Variants in CTNNA3 observed in about 807,000 individuals in gnomAD.
The protein encoded by CTNNA3 is catenin alpha-3.
In CTNNA3, 76 loss-of-function variants were observed where a neutral mutation model predicts 95.7. That is an observed-to-expected ratio of 0.79 (90% CI 0.66 to 0.96). The LOEUF (loss-of-function observed/expected upper bound fraction) is 0.96, where lower values mean the gene tolerates loss of function less well. Ranked by LOEUF, CTNNA3 falls within the 40% of genes least tolerant of loss-of-function variation. The pLI is 0.00. For synonymous variants in CTNNA3, 431 were observed against 374.4 expected, an observed-to-expected ratio of 1.15 and a Z score of -1.74; for missense variants, 1,191 against 1,089.8, an observed-to-expected ratio of 1.09 and a Z score of -1.31.
At chr10:67,716,855 T>G (rs1841146607) in intron 1 of CTNNA3, among the ~76,000 whole-genome samples, 1 of 152,206 alleles carries the variant, frequency 6.6e-6, no homozygotes, top group South Asian at 2.1e-4. Flanking sequence ...GATTGCTGGG[T>G]CAAATGGTAT....
intron 7 of CTNNA3, among the ~76,000 whole-genome samples, chr10:67,085,864 A>G (rs1022870319): frequency 5.3e-5 from 8 of 152,034 alleles, no homozygotes; most frequent in African/African-American, 1.9e-4. Context: ...GTTAATATCA[A>G]TGAAATAACA....
intron 5 of CTNNA3, among the ~76,000 whole-genome samples, chr10:67,321,332 C>G (rs897186398): frequency 6.6e-6 from 1 of 152,118 alleles, no homozygotes; most frequent in African/African-American, 2.4e-5. Context: ...ACACTGAATT[C>G]TATGTATCTC....
At position 67,219,654 on chromosome 10, in the gene CTNNA3, G is replaced by A. The variant is rs199985402; in HGVS notation, c.796C>T (p.Pro266Ser). The A allele has an allele frequency of 3.0e-5, 48 of 1,613,962 alleles. No individual in the cohort carries two copies. Among genetic ancestry groups the A allele is most frequent in the African/African-American group, 4.0e-5 (3 of 74,900 alleles). The stretch of plus-strand genomic sequence containing the variant: ...CCCAGGGTTGCTGCCTGAGGTTCTG[G>A]TGGGGTTGTCATATTCTGGATCCCT... ...SQGIQNMTTP[P>S]EPQAATLGSA... Residue 266 changes from proline to serine, a missense_variant, in exon 6 of 18, where the codon CCA becomes TCA. Coordinates refer to ENST00000433211, the MANE Select transcript of CTNNA3 (RefSeq NM_013266.4).
At chr10:66,040,930 A>G (rs1426679719) in intron 15 of CTNNA3, among the ~76,000 whole-genome samples, 1 of 152,204 alleles carries the variant, frequency 6.6e-6, no homozygotes, top group African/African-American at 2.4e-5. Context: ...AAGTTTGAGG[A>G]GAAACAAAAT....
chr10:66,834,542 A>G (rs530737697), intron 7 of CTNNA3, among the ~76,000 whole-genome samples: 2 of 152,354 alleles, frequency 1.3e-5, no homozygotes, highest in South Asian at 4.1e-4. Flanking sequence ...TTACACAACT[A>G]TTGAGTCACT....
intron 13 of CTNNA3, among the ~76,000 whole-genome samples, chr10:66,108,289 T>C (rs1172155197): frequency 6.6e-6 from 1 of 152,192 alleles, no homozygotes; most frequent in East Asian, 1.9e-4. Flanking sequence ...ACCATGAGAC[T>C]GGCACTCTAC....
chr10:65,971,793 C>A (rs772512128), intron 16 of CTNNA3, among the ~76,000 whole-genome samples: 10 of 152,008 alleles, frequency 6.6e-5, no homozygotes, highest in Non-Finnish European at 1.2e-4. Flanking sequence ...AGGAGAGACT[C>A]CTCTTTAGCT....
At chr10:67,184,419 C>A (rs1025365154) in intron 6 of CTNNA3, among the ~76,000 whole-genome samples, 4 of 152,126 alleles carry the variant, frequency 2.6e-5, no homozygotes, top group African/African-American at 9.7e-5. Context: ...TAAAAAATTT[C>A]TATTGAAAGC....
chr10:67,733,320 G>C (rs974769125), intron 1 of CTNNA3, among the ~76,000 whole-genome samples: 2 of 152,102 alleles, frequency 1.3e-5, no homozygotes, highest in African/African-American at 4.8e-5. Flanking sequence ...TGCCCAAAAG[G>C]GTTCCAAAGT....
chr10:66,437,322 C>T (rs2093345045), intron 11 of CTNNA3, among the ~76,000 whole-genome samples: 1 of 152,182 alleles, frequency 6.6e-6, no homozygotes, highest in African/African-American at 2.4e-5. Context: ...CTTTCAGGTA[C>T]ACCAATCAAA....
In CTNNA3 at chr10:66,711,260, A is replaced by AC. The variant is rs1159419582; in HGVS notation, c.1281+55003_1281+55004insG. Among the ~76,000 whole-genome samples the AC allele has an allele frequency of 1.3e-4, 19 of 149,876 alleles. No homozygotes were observed. The East Asian group carries it at 2.6e-3, about 20-fold the overall frequency. ...AGCCTTTCACCGTGAACAAGAAACA[A>AC]AAAAAAAAAAAAAAAAGTAAGAAAC... is the stretch of plus-strand genomic sequence containing the variant. On this transcript the variant is annotated intron_variant, in intron 9 of 17. Transcript: ENST00000433211.
intron 2 of CTNNA3, among the ~76,000 whole-genome samples, chr10:67,632,843 T>C (rs1359319693): frequency 6.6e-6 from 1 of 152,008 alleles, no homozygotes; most frequent in Non-Finnish European, 1.5e-5. Flanking sequence ...TCTGTCCGTA[T>C]ATATCCCTAG....
chr10:66,388,987 T>C (rs1029629276), intron 11 of CTNNA3, among the ~76,000 whole-genome samples: 4 of 152,190 alleles, frequency 2.6e-5, no homozygotes, highest in South Asian at 2.1e-4. Context: ...AAAATGATTA[T>C]TTCTCTGCTA....
chr10:67,050,552 C>T (rs1411155256), intron 7 of CTNNA3, among the ~76,000 whole-genome samples: 1 of 152,144 alleles, frequency 6.6e-6, no homozygotes, highest in African/African-American at 2.4e-5. Flanking sequence ...TGCAGCAAAA[C>T]CTAAGACCAC....
chr10:67,648,314 A>G (rs1318303856), intron 1 of CTNNA3, among the ~76,000 whole-genome samples: 1 of 152,190 alleles, frequency 6.6e-6, no homozygotes. Flanking sequence ...AAATAGCTAT[A>G]ATATATTATT....
At chr10:66,825,842 A>G (rs1484004965) in intron 7 of CTNNA3, among the ~76,000 whole-genome samples, 2 of 152,046 alleles carry the variant, frequency 1.3e-5, no homozygotes, top group Non-Finnish European at 1.5e-5. Flanking sequence ...GCTCTCCCAA[A>G]TCATTCTGCC....
intron 5 of CTNNA3, among the ~76,000 whole-genome samples, chr10:67,269,278 C>T (rs1280491469): frequency 1.3e-5 from 2 of 151,798 alleles, no homozygotes; most frequent in African/African-American, 4.8e-5. Flanking sequence ...AAAAATTAGT[C>T]CAGAAATGTA....
chr10:67,158,786 C>T (rs1861413937), intron 7 of CTNNA3, among the ~76,000 whole-genome samples: 1 of 151,740 alleles, frequency 6.6e-6, no homozygotes, highest in Non-Finnish European at 1.5e-5. Context: ...TATCTTAGTT[C>T]ACCAAAATGC....
chr10:67,589,123 G>A (rs1842721731), intron 3 of CTNNA3, among the ~76,000 whole-genome samples: 1 of 152,068 alleles, frequency 6.6e-6, no homozygotes, highest in Non-Finnish European at 1.5e-5. Context: ...ATACTTATCT[G>A]TATTCATATG....
Sources: allele counts gnomAD v4.1 joint callset (sites outside exome capture counted in the v4.1 genomes callset), GRCh38; gene constraint gnomAD v4.1.1; transcripts MANE v1.5; gene names NCBI Gene and HGNC (gene_info 2026-07-23, HGNC 2026-07-21).